The following SWAP70 variants were observed in gnomAD, a reference collection of about 807,000 sequenced individuals.
SWAP70 encodes the protein switching B cell complex subunit SWAP70, also known as switch-associated protein 70.
In SWAP70, 34 loss-of-function variants were observed where a neutral mutation model predicts 80.2. The observed-to-expected ratio is 0.42, with a 90% CI of 0.32 to 0.56. SWAP70 has a LOEUF of 0.56. SWAP70 is among the 20% of genes least tolerant of loss of function. SWAP70 has a pLI of 0.09. For synonymous variants in SWAP70, 239 were observed against 238.5 expected (o/e 1.00, Z -0.02); for missense variants, 578 against 690.7 (o/e 0.84, Z 1.83).
At chr11:9,711,338 T>G (rs1850995361) in intron 2 of SWAP70, among the ~76,000 whole-genome samples, 1 of 152,206 alleles carries the variant, frequency 6.6e-6, no homozygotes, top group Admixed American at 6.5e-5. Context: ...AGTCTTCACC[T>G]ACCTCACTGG....
At chr11:9,700,082 C>T (rs939804201) in intron 2 of SWAP70, among the ~76,000 whole-genome samples, 2 of 152,002 alleles carry the variant, frequency 1.3e-5, no homozygotes, top group African/African-American at 4.8e-5. Context: ...TTTTGTTCTC[C>T]TTGGTGTGAC....
chr11:9,690,385 C>T (rs572760925), intron 1 of SWAP70, among the ~76,000 whole-genome samples: 2 of 152,124 alleles, frequency 1.3e-5, no homozygotes, highest in African/African-American at 2.4e-5. Context: ...TGAGACCAGT[C>T]TGGCCAACAT....
At chr11:9,667,211 A>G (rs1192207930) in intron 1 of SWAP70, among the ~76,000 whole-genome samples, 1 of 150,950 alleles carries the variant, frequency 6.6e-6, no homozygotes, top group Non-Finnish European at 1.5e-5. Context: ...TAGCTAATCT[A>G]GAACCAAGAT....
In SWAP70 at chr11:9,708,317, G is replaced by T. The variant is rs150343984; in HGVS notation, c.241-5149G>T. Among the ~76,000 whole-genome samples the T allele has an allele frequency of 4.1e-3, 630 of 152,168 alleles. 5 individuals are homozygous for T. The highest frequency in any genetic ancestry group is 0.013 in the African/African-American group (531 of 41,516). ...TAACAATAACACTTGTTATTTTCTG[G>T]TTTTTTTGATAGTGACCATTCTAAC... On this transcript the variant is annotated intron_variant, in intron 2 of 11. Coordinates refer to ENST00000318950, the MANE Select transcript of SWAP70 (RefSeq NM_015055.4).
Position 9,732,595 on chromosome 11 carries a change from G to A in SWAP70, c.965G>A (p.Arg322His), listed in dbSNP as rs758040551. ...SPPPHKEARQ[R>H]RKELRKKQLA... ...CCACCACACAAAGAAGCCCGCCAGC[G>A]TCGGAAAGAACTCCGGAAGAAGCAG... Residue 322 changes from arginine to histidine, a missense_variant, in exon 7 of 12, where the codon CGT (arginine) becomes CAT (histidine). Arg to His is a conservative substitution (Grantham distance 29). Coordinates refer to ENST00000318950, the MANE Select transcript of SWAP70 (RefSeq NM_015055.4). 86 of 1,602,282 alleles carry A rather than the reference G, an allele frequency of 5.4e-5. No homozygotes were observed. The highest frequency in any genetic ancestry group is 6.7e-5 in the Non-Finnish European group (79 of 1,173,326).
intron 3 of SWAP70, among the ~76,000 whole-genome samples, chr11:9,717,659 C>CAA (rs3049795): frequency 0.1 from 12,066 of 115,568 alleles, 798 homozygotes; most frequent in African/African-American, 0.21. Context: ...GACCTTGTCT[C>CAA]AAAAAAAAAA....
intron 1 of SWAP70, among the ~76,000 whole-genome samples, chr11:9,691,807 G>C (rs1313879126): frequency 1.3e-5 from 2 of 152,198 alleles, no homozygotes; most frequent in East Asian, 3.8e-4. Flanking sequence ...CAGGGCTTTA[G>C]TTAGAGGATC....
intron 7 of SWAP70, among the ~76,000 whole-genome samples, chr11:9,734,080 C>T (rs1851334190): frequency 6.6e-6 from 1 of 152,082 alleles, no homozygotes; most frequent in Non-Finnish European, 1.5e-5. Flanking sequence ...CTTGCCTTAG[C>T]CTCCCAAATC....
chr11:9,742,812 G>C (rs1851457733), intron 9 of SWAP70, among the ~76,000 whole-genome samples: 1 of 151,426 alleles, frequency 6.6e-6, no homozygotes. Flanking sequence ...TGGAAAACTG[G>C]CACTAATGAA....
At chr11:9,675,346 CGAGAGAGAGAGAGAGAG>C in intron 1 of SWAP70, among the ~76,000 whole-genome samples, 1 of 8,416 alleles carries the variant, frequency 1.2e-4, no homozygotes, top group South Asian at 4.5e-3. Context: ...AGAGAGGGAG[CGAGAGAGAGAGAGAGAG>C]AGAGAGAGAG....
Position 9,750,028 on chromosome 11 carries a change from C to G in SWAP70, c.*58C>G, listed in dbSNP as rs140325744. 4 of 1,245,650 alleles carry G rather than the reference C, an allele frequency of 3.2e-6. No homozygotes were observed. In the African/African-American group the frequency reaches 6.0e-5, roughly 19 times the overall value. 77.2% of individuals were successfully genotyped at this position (1,245,650 alleles called of 1,614,324 possible). A position where few individuals can be genotyped will look rare whatever the true frequency, so the allele number is the denominator to read the frequency against. On this transcript the variant is annotated 3_prime_UTR_variant, in exon 12 of 12. Coordinates refer to ENST00000318950, the MANE Select transcript of SWAP70 (RefSeq NM_015055.4). The stretch of plus-strand genomic sequence containing the variant: ...GATACTGCATGGCAGGAGAGCTTTA[C>G]GCTAAAGACAAAAGAAACAGCTTTG...
intron 2 of SWAP70, among the ~76,000 whole-genome samples, chr11:9,710,996 T>TTTTA (rs71034734): frequency 0.11 from 15,640 of 148,912 alleles, 1,625 homozygotes; most frequent in African/African-American, 0.26. Flanking sequence ...TGTTTTTTAT[T>TTTTA]TTTATTTATT....
At chr11:9,725,800 G>T (rs1851216687) in intron 4 of SWAP70, among the ~76,000 whole-genome samples, 1 of 151,742 alleles carries the variant, frequency 6.6e-6, no homozygotes, top group Non-Finnish European at 1.5e-5. Flanking sequence ...TCGATCTTTT[G>T]ACCTTGTGAT....
At chr11:9,712,992 C>T (rs1237828823) in intron 2 of SWAP70, among the ~76,000 whole-genome samples, 1 of 152,182 alleles carries the variant, frequency 6.6e-6, no homozygotes, top group African/African-American at 2.4e-5. Flanking sequence ...CCACCATGCC[C>T]AGCCTCTTCT....
chr11:9,707,143 A>G (rs1850926040), intron 2 of SWAP70, among the ~76,000 whole-genome samples: 1 of 152,178 alleles, frequency 6.6e-6, no homozygotes, highest in Non-Finnish European at 1.5e-5. Flanking sequence ...TGAAAACTAT[A>G]GATTTTATAC....
chr11:9,694,138 C>T lies in SWAP70; in HGVS notation c.100-8C>T. 6.3e-7 allele frequency: 1 copy of T among 1,577,154 alleles called. No homozygotes were observed. The highest frequency in any genetic ancestry group is 8.6e-7 in the Non-Finnish European group (1 of 1,163,826). The stretch of plus-strand genomic sequence containing the variant: ...GGAGTCTTTAAACGATTTTCTTTTC[C>T]CTTGCAGGTCCTTTCCCATAACCTG... On this transcript the variant is annotated splice_polypyrimidine_tract_variant and splice_region_variant and intron_variant, in intron 1 of 11. Transcript: ENST00000318950.
intron 2 of SWAP70, among the ~76,000 whole-genome samples, chr11:9,708,970 A>T (rs1239719301): frequency 6.6e-6 from 1 of 152,124 alleles, no homozygotes; most frequent in African/African-American, 2.4e-5. Flanking sequence ...CAGCAGCATG[A>T]TCACAGCTCA....
chr11:9,727,997 T>C, intron 4 of SWAP70, 56 bp from the exon 5 acceptor site: 1 of 1,459,284 alleles, frequency 6.9e-7, no homozygotes, highest in South Asian at 1.4e-5. Context: ...AAGGAAGAGA[T>C]GTCAGCTCTT....
intron 5 of SWAP70, 42 bp from the exon 6 acceptor site, chr11:9,729,301 A>C (rs1851265006): frequency 8.4e-7 from 1 of 1,186,642 alleles, no homozygotes; most frequent in Middle Eastern, 2.0e-4. Flanking sequence ...TTTCATTTAA[A>C]TACTTAAAAT....
Sources: gnomAD v4.1 joint callset for allele counts (sites outside exome capture counted in the v4.1 genomes callset) on GRCh38, gnomAD v4.1.1 for gene constraint, MANE v1.5 for transcripts, NCBI Gene and HGNC (gene_info 2026-07-23, HGNC 2026-07-21) for gene names.